Variants in PPP1R8 observed in about 807,000 individuals in gnomAD.
PPP1R8 encodes nuclear inhibitor of protein phosphatase 1.
Under a neutral mutation model 31.3 loss-of-function variants are expected in PPP1R8, and 4 were observed. The ratio of observed to expected loss-of-function variants is 0.13; its 90% CI spans 0.06 to 0.29. The LOEUF (loss-of-function observed/expected upper bound fraction) is 0.29, where lower values mean the gene tolerates loss of function less well. Among genes scored for constraint, PPP1R8 ranks in the 10% least tolerant of loss-of-function variants. The pLI is 1.00. For synonymous variants in PPP1R8, 170 were observed against 169.7 expected, an observed-to-expected ratio of 1.00 and a Z score of -0.01; for missense variants, 254 against 440.1, an observed-to-expected ratio of 0.58 and a Z score of 3.78.
At position 27,834,538 on chromosome 1, in the gene PPP1R8, ACT is replaced by A. The variant is rs544423177; in HGVS notation, c.117+1725_117+1726del. On this transcript the variant is annotated intron_variant, in intron 2 of 6. Coordinates refer to ENST00000311772, the MANE Select transcript of PPP1R8 (RefSeq NM_014110.5). ...TTTTAAGCCCAGTGTGTAAAGATAC[ACT>A]CTGAGTTATAACTCAGAGGCACAAC... is the stretch of plus-strand genomic sequence containing the variant. 3.5e-5 allele frequency: 18 copies of A among 518,674 alleles called. No homozygotes were observed. The East Asian group carries it at 9.8e-4, about 28-fold the overall frequency. 32.1% of individuals were successfully genotyped at this position (518,674 alleles called of 1,614,324 possible).
intron 2 of PPP1R8, among the ~76,000 whole-genome samples, chr1:27,838,252 C>T (rs1186568143): frequency 2.0e-5 from 3 of 148,958 alleles, no homozygotes; most frequent in East Asian, 2.0e-4. Flanking sequence ...TGGTGGTGCA[C>T]GCCTGTAGTC....
rs1290857525 is a variant in PPP1R8 at position 27,838,412 on chromosome 1, A to T, written c.118-287A>T. On this transcript the variant is annotated intron_variant, in intron 2 of 6. Coordinates refer to ENST00000311772, the MANE Select transcript of PPP1R8 (RefSeq NM_014110.5). ...AAAAAGAGAAAGAAAAGTTATTTTC[A>T]TACCAACACTAGACAAACACTACAT... 2.0e-5 allele frequency among the ~76,000 whole-genome samples: 3 copies of T among 152,182 alleles called. No homozygotes were observed. In the East Asian group the frequency reaches 5.8e-4, roughly 29 times the overall value.
chr1:27,844,709 T>C (rs866925776), intron 5 of PPP1R8, among the ~76,000 whole-genome samples: 7 of 124,862 alleles, frequency 5.6e-5, no homozygotes, highest in African/African-American at 2.3e-4. Context: ...ATTTCTTTTT[T>C]TTTTTTTTTT....
In PPP1R8 at chr1:27,830,834, A is replaced by G; in HGVS notation, c.-2A>G. The G allele has an allele frequency of 6.3e-7, 1 of 1,575,934 alleles. No individual in the cohort carries two copies. Among genetic ancestry groups the G allele is most frequent in the Non-Finnish European group, 8.6e-7 (1 of 1,161,892 alleles). On this transcript the variant is annotated 5_prime_UTR_variant, in exon 1 of 7. Coordinates refer to ENST00000311772, the MANE Select transcript of PPP1R8 (RefSeq NM_014110.5). ...GCGCCAAATGGGAGGGGGAGACGCAAGATGGCGGCAGCCGCGAACTCCGGC... is the reference window on the plus strand; with the variant it reads ...GCGCCAAATGGGAGGGGGAGACGCAGGATGGCGGCAGCCGCGAACTCCGGC...
intron 1 of PPP1R8, chr1:27,831,229 C>T: frequency 1.9e-6 from 2 of 1,066,760 alleles, no homozygotes; most frequent in Non-Finnish European, 2.3e-6. Context: ...CGTGGAGCAT[C>T]GCATCTGGCC....
intron 3 of PPP1R8, 32 bp from the exon 4 acceptor site, chr1:27,840,982 C>G: frequency 6.2e-7 from 1 of 1,606,542 alleles, no homozygotes. Flanking sequence ...TTTTTGTTTT[C>G]CCCCTTACGT....
intron 2 of PPP1R8, among the ~76,000 whole-genome samples, chr1:27,837,254 AC>A (rs2089176024): frequency 6.6e-6 from 1 of 151,528 alleles, no homozygotes; most frequent in South Asian, 2.1e-4. Flanking sequence ...ACACGGTGAA[AC>A]CCTGTCTCTT....
At position 27,841,244 on chromosome 1, in the gene PPP1R8, T is replaced by A; in HGVS notation, c.492+10T>A. ...GGAAACTGAGCTTGATGTAATTCCCTGTTTATGTCATTGTTTTGTCTTTGG... is the reference window on the plus strand; with the variant it reads ...GGAAACTGAGCTTGATGTAATTCCCAGTTTATGTCATTGTTTTGTCTTTGG... On this transcript the variant is annotated intron_variant, in intron 4 of 6. Coordinates refer to ENST00000311772, the MANE Select transcript of PPP1R8 (RefSeq NM_014110.5). 1 of 1,613,366 alleles carries A rather than the reference T, an allele frequency of 6.2e-7. No individual in the cohort carries two copies. Among genetic ancestry groups the A allele is most frequent in the East Asian group, 2.2e-5 (1 of 44,870 alleles).
intron 6 of PPP1R8, among the ~76,000 whole-genome samples, chr1:27,848,001 G>T (rs1215131985): frequency 6.6e-6 from 1 of 152,228 alleles, no homozygotes; most frequent in African/African-American, 2.4e-5. Context: ...TAAGCTATTA[G>T]GTGGAGGAGA....
intron 5 of PPP1R8, among the ~76,000 whole-genome samples, chr1:27,844,784 C>T (rs1253754877): frequency 2.3e-5 from 3 of 130,646 alleles, no homozygotes; most frequent in Non-Finnish European, 3.1e-5. Flanking sequence ...GTGGCACGAT[C>T]TCAGTTCACT....
chr1:27,836,053 CTT>C (rs1485172932), intron 2 of PPP1R8, among the ~76,000 whole-genome samples: 2 of 152,200 alleles, frequency 1.3e-5, no homozygotes, highest in Non-Finnish European at 2.9e-5. Context: ...AGTTAAAGGA[CTT>C]AGCCAGGAAT....
At chr1:27,831,160 G>C in intron 1 of PPP1R8, 1 of 1,235,422 alleles carries the variant, frequency 8.1e-7, no homozygotes, top group Non-Finnish European at 1.0e-6. Context: ...AGTCGCCGGA[G>C]CGCTTCGAGG....
In PPP1R8 at chr1:27,843,218, G is replaced by A; in HGVS notation, c.525G>A (p.Lys175=). ...CAGAGTTCAACACTGCCCACAACAA[G>A]CGGATTTCTACCCTTACCATTGAGG... is the stretch of plus-strand genomic sequence containing the variant. ...NLTEFNTAHN[K]RISTLTIEEG... The change falls in exon 5 of 7, where the codon AAG becomes AAA. Residue 175 remains lysine, a synonymous_variant. Coordinates refer to ENST00000311772, the MANE Select transcript of PPP1R8 (RefSeq NM_014110.5). 1 of 1,614,120 alleles carries A rather than the reference G, an allele frequency of 6.2e-7. No homozygotes were observed. Among genetic ancestry groups the A allele is most frequent in the Non-Finnish European group, 8.5e-7 (1 of 1,180,028 alleles).
At chr1:27,841,706 A>G (rs1347721657) in intron 4 of PPP1R8, among the ~76,000 whole-genome samples, 3 of 152,254 alleles carry the variant, frequency 2.0e-5, no homozygotes, top group Non-Finnish European at 4.4e-5. Context: ...AGAGAGACTG[A>G]CATTTTCATT....
At chr1:27,846,998 A>G in intron 5 of PPP1R8, 30 bp from the exon 6 acceptor site, 1 of 1,605,438 alleles carries the variant, frequency 6.2e-7, no homozygotes, top group Non-Finnish European at 8.5e-7. Context: ...TAAAGTACCA[A>G]CCCAACCCTG....
In PPP1R8 at chr1:27,837,702, G is replaced by A. The variant is rs192943182; in HGVS notation, c.118-997G>A. 8.1e-3 allele frequency among the ~76,000 whole-genome samples: 1,223 copies of A among 151,506 alleles called. 9 individuals are homozygous for A. The highest frequency in any genetic ancestry group is 0.013 in the Non-Finnish European group (911 of 67,888). On this transcript the variant is annotated intron_variant, in intron 2 of 6. Coordinates refer to ENST00000311772, the MANE Select transcript of PPP1R8 (RefSeq NM_014110.5). ...AGACAGGAGAATCTCTTGAACCCGG[G>A]AGGCGGAGGTTGCAGTGAGCCGAGA...
chr1:27,842,954 C>T (rs1018657076), intron 4 of PPP1R8, among the ~76,000 whole-genome samples: 1 of 152,216 alleles, frequency 6.6e-6, no homozygotes. Context: ...TTGAATATCA[C>T]TGCCCCACTA....
chr1:27,833,218 C>G (rs1475191640), intron 2 of PPP1R8, among the ~76,000 whole-genome samples: 4 of 152,074 alleles, frequency 2.6e-5, no homozygotes, highest in Non-Finnish European at 4.4e-5. Flanking sequence ...AGGCCCAACT[C>G]CTTATAAGAA....
intron 2 of PPP1R8, among the ~76,000 whole-genome samples, chr1:27,836,007 T>C (rs144697671): frequency 1.3e-5 from 2 of 152,028 alleles, no homozygotes; most frequent in African/African-American, 4.8e-5. Context: ...AGGTGTATCT[T>C]TTGGTTTTGT....
Sources: gnomAD v4.1 joint callset for allele counts (sites outside exome capture counted in the v4.1 genomes callset) on GRCh38, gnomAD v4.1.1 for gene constraint, MANE v1.5 for transcripts, NCBI Gene and HGNC (gene_info 2026-07-23, HGNC 2026-07-21) for gene names.